The following CDH18 variants were observed in gnomAD, a reference collection of about 807,000 sequenced individuals.
CDH18 encodes cadherin-18.
CDH18 carries 31 observed loss-of-function variants against 67.9 expected under a neutral mutation model. That is an observed-to-expected ratio of 0.46 (90% CI 0.34 to 0.62). The LOEUF is 0.62. Among genes scored for constraint, CDH18 ranks in the 20% least tolerant of loss-of-function variants. CDH18 has a pLI of 0.01. For missense variants in CDH18, 890 were observed against 975.5 expected, an observed-to-expected ratio of 0.91 and a Z score of 1.17; for synonymous variants, 362 against 347.2, an observed-to-expected ratio of 1.04 and a Z score of -0.48.
chr5:19,474,839 T>C (rs1200230953), intron 12 of CDH18, among the ~76,000 whole-genome samples: 2 of 152,136 alleles, frequency 1.3e-5, no homozygotes, highest in African/African-American at 2.4e-5. Flanking sequence ...GAAGATGTGA[T>C]AGAAATGTGT....
At chr5:19,544,782 C>T (rs1192050935) in intron 8 of CDH18, among the ~76,000 whole-genome samples, 2 of 152,022 alleles carry the variant, frequency 1.3e-5, no homozygotes, top group Non-Finnish European at 2.9e-5. Flanking sequence ...ATTAACTTGT[C>T]CTAGCAGGAG....
intron 2 of CDH18, among the ~76,000 whole-genome samples, chr5:20,033,686 C>G (rs1459502565): frequency 6.6e-6 from 1 of 151,914 alleles, no homozygotes; most frequent in Non-Finnish European, 1.5e-5. Flanking sequence ...CAACCAGGTT[C>G]TCTATATTCT....
At chr5:19,848,444 G>A (rs764992926) in intron 2 of CDH18, among the ~76,000 whole-genome samples, 4 of 152,078 alleles carry the variant, frequency 2.6e-5, no homozygotes, top group Non-Finnish European at 5.9e-5. Context: ...TGGAGGAGGA[G>A]CCTCTTAATC....
intron 9 of CDH18, among the ~76,000 whole-genome samples, chr5:19,536,356 A>G (rs1292153683): frequency 6.6e-6 from 1 of 152,238 alleles, no homozygotes; most frequent in African/African-American, 2.4e-5. Context: ...AAAGCAGAGC[A>G]AAATGAAAAC....
intron 1 of CDH18, among the ~76,000 whole-genome samples, chr5:20,522,665 T>A (rs1755817737): frequency 6.6e-6 from 1 of 152,194 alleles, no homozygotes; most frequent in African/African-American, 2.4e-5. Flanking sequence ...GAGAGCACCT[T>A]GTTTTACATT....
rs754874401 is a variant in CDH18 at position 20,248,979 on chromosome 5, C to T, written c.-518+6465G>A. ...TTGCAGTGTGAGGTTATACAATAGG[C>T]TTAATTTTTTCATGTAGTAACATAG... On this transcript the variant is annotated intron_variant, in intron 2 of 14. Coordinates refer to the CDH18 transcript ENST00000507958. Among the ~76,000 whole-genome samples the T allele has an allele frequency of 4.0e-4, 61 of 152,094 alleles. No homozygotes were observed. The Middle Eastern group carries it at 0.017, about 43-fold the overall frequency.
Position 19,636,001 on chromosome 5 carries a change from C to T in CDH18, c.644-23400G>A, listed in dbSNP as rs184930277. ...GAAAAATTTCGTCTTAGTAAAGTGC[C>T]GATGAATTGTGAAATACTACCCATA... On this transcript the variant is annotated intron_variant, in intron 5 of 12. Coordinates refer to ENST00000382275, the MANE Select transcript of CDH18 (RefSeq NM_004934.5). 4.6e-5 allele frequency among the ~76,000 whole-genome samples: 7 copies of T among 152,040 alleles called. No individual in the cohort carries two copies. The East Asian group carries it at 7.7e-4, about 17-fold the overall frequency.
chr5:19,793,887 T>C (rs1776605765), intron 3 of CDH18, among the ~76,000 whole-genome samples: 1 of 152,108 alleles, frequency 6.6e-6, no homozygotes, highest in South Asian at 2.1e-4. Context: ...GATAAACTTC[T>C]GTACATGTGC....
chr5:20,496,514 T>C (rs1426456083), intron 1 of CDH18, among the ~76,000 whole-genome samples: 2 of 152,296 alleles, frequency 1.3e-5, no homozygotes, highest in South Asian at 2.1e-4. Context: ...ATTTAAAATA[T>C]ACAATTGATA....
At chr5:19,851,052 G>T (rs182458129) in intron 2 of CDH18, among the ~76,000 whole-genome samples, 1 of 151,738 alleles carries the variant, frequency 6.6e-6, no homozygotes, top group African/African-American at 2.4e-5. Context: ...GTATAACTTT[G>T]TTGAATATTA....
chr5:19,962,423 T>C (rs1317753490), intron 2 of CDH18, among the ~76,000 whole-genome samples: 3 of 139,700 alleles, frequency 2.1e-5, no homozygotes, highest in Non-Finnish European at 4.6e-5. Context: ...TAAGAATATT[T>C]GACATATTTA....
chr5:19,791,332 G>A (rs950068521), intron 3 of CDH18, among the ~76,000 whole-genome samples: 2 of 139,452 alleles, frequency 1.4e-5, no homozygotes, highest in South Asian at 2.3e-4. Flanking sequence ...GAAACCTAAT[G>A]ATATTCTTGC....
chr5:19,536,409 C>T (rs973097633), intron 9 of CDH18, among the ~76,000 whole-genome samples: 5 of 152,106 alleles, frequency 3.3e-5, no homozygotes, highest in African/African-American at 1.2e-4. Context: ...ATTGAAAAAA[C>T]CTGGCCTGTT....
chr5:19,560,264 T>C (rs1457681534), intron 8 of CDH18, among the ~76,000 whole-genome samples: 1 of 152,130 alleles, frequency 6.6e-6, no homozygotes, highest in African/African-American at 2.4e-5. Context: ...CTTCAAATTA[T>C]ATTATAAGGC....
intron 1 of CDH18, among the ~76,000 whole-genome samples, chr5:20,522,129 T>C (rs998021746): frequency 6.6e-6 from 1 of 152,198 alleles, no homozygotes; most frequent in Non-Finnish European, 1.5e-5. Flanking sequence ...TACCCACTGA[T>C]GGAAGATCAT....
chr5:20,290,130 T>C (rs998922610), intron 1 of CDH18, among the ~76,000 whole-genome samples: 1 of 152,154 alleles, frequency 6.6e-6, no homozygotes, highest in African/African-American at 2.4e-5. Flanking sequence ...CCAAAGGTTA[T>C]ACTGCTACCA....
chr5:20,258,606 A>G (rs545932215), intron 1 of CDH18, among the ~76,000 whole-genome samples: 31 of 152,270 alleles, frequency 2.0e-4, no homozygotes, highest in Middle Eastern at 3.4e-3. Context: ...TAACTATCAC[A>G]TATGTGGTTA....
chr5:20,176,284 C>T (rs936034933), intron 2 of CDH18, among the ~76,000 whole-genome samples: 3 of 152,280 alleles, frequency 2.0e-5, no homozygotes, highest in South Asian at 2.1e-4. Context: ...GAATGTTACC[C>T]TAACCAATAT....
intron 3 of CDH18, among the ~76,000 whole-genome samples, chr5:19,837,769 T>A (rs1781840971): frequency 6.7e-6 from 1 of 150,268 alleles, no homozygotes; most frequent in Admixed American, 6.7e-5. Flanking sequence ...CTATTTTTTT[T>A]AGTACTAACA....
Sources: gnomAD v4.1 joint callset for allele counts (sites outside exome capture counted in the v4.1 genomes callset) on GRCh38, gnomAD v4.1.1 for gene constraint, MANE v1.5 for transcripts, NCBI Gene and HGNC (gene_info 2026-07-23, HGNC 2026-07-21) for gene names.